The following ADGRV1 variants were observed in gnomAD, a reference collection of about 807,000 sequenced individuals.
The protein encoded by ADGRV1 is adhesion G protein-coupled receptor V1.
ADGRV1 carries 359 observed loss-of-function variants against 596.2 expected under a neutral mutation model. The ratio of observed to expected loss-of-function variants is 0.60; its 90% CI spans 0.55 to 0.66. The LOEUF (loss-of-function observed/expected upper bound fraction) is 0.66, where lower values mean the gene tolerates loss of function less well. ADGRV1 is among the 30% of genes least tolerant of loss of function. The pLI is 0.00. For missense variants in ADGRV1, 7,274 were observed against 7,575.6 expected, an observed-to-expected ratio of 0.96 and a Z score of 1.48; for synonymous variants, 2,681 against 2,679.2, an observed-to-expected ratio of 1.00 and a Z score of -0.02.
chr5:91,102,239 C>G lies in ADGRV1; in HGVS notation c.18331C>G (p.Leu6111Val). ...NAAEIPLILY[L>V]FALISVTWLW... ...TCTAGAAATTCCACTGATTTTATAT[C>G]TCTTTGCTCTGATTTCCGTGACATG... Residue 6111 changes from leucine (L) to valine (V), a missense_variant, in exon 87 of 90, where the codon CTC becomes GTC. Leu to Val is a conservative substitution (Grantham distance 32). Around this residue, in one of 5 missense-constraint regions of ADGRV1, gnomAD observed 1,874 missense variants for 1,970.2 expected, o/e 0.95. Coordinates refer to ENST00000405460, the MANE Select transcript of ADGRV1 (RefSeq NM_032119.4). 1 of 1,608,990 alleles carries G rather than the reference C, an allele frequency of 6.2e-7. No homozygotes were observed. The highest frequency in any genetic ancestry group is 1.1e-5 in the South Asian group (1 of 90,374).
At chr5:90,895,344 G>T (rs1771210074) in intron 83 of ADGRV1, among the ~76,000 whole-genome samples, 1 of 152,216 alleles carries the variant, frequency 6.6e-6, no homozygotes, top group Admixed American at 6.5e-5. Flanking sequence ...AAATCAGAGA[G>T]TAATTGAAGG....
At chr5:90,829,306 T>C in intron 77 of ADGRV1, 120 bp downstream of exon 77, 1 of 884,102 alleles carries the variant, frequency 1.1e-6, no homozygotes, top group Non-Finnish European at 1.6e-6. Context: ...TAATTCACTT[T>C]TTATTCATTA....
chr5:90,614,889 T>A lies in ADGRV1; in HGVS notation c.77T>A (p.Phe26Tyr). The A allele has an allele frequency of 1.9e-6, 3 of 1,610,656 alleles. No individual in the cohort carries two copies. The highest frequency in any genetic ancestry group is 2.5e-6 in the Non-Finnish European group (3 of 1,177,988). The change falls in exon 2 of 90, where the codon TTT becomes TAT. Residue 26 changes from phenylalanine to tyrosine, a missense_variant. Phe to Tyr is a conservative substitution (Grantham distance 22). Transcript: ENST00000405460. ...VNLLSALLILFVFGETEIRFT... is the reference protein window; with the variant it reads ...VNLLSALLILYVFGETEIRFT... ...CTTCTTTCAGCTTTACTCATCCTAT[T>A]TGTGTTTGGAGAAACAGAAATAAGA...
chr5:91,073,400 T>C (rs562286443), intron 86 of ADGRV1, among the ~76,000 whole-genome samples: 1 of 152,308 alleles, frequency 6.6e-6, no homozygotes, highest in African/African-American at 2.4e-5. Flanking sequence ...TGAATGACAG[T>C]CTTAGAGGAA....
At chr5:90,724,220 A>G (rs775547040) in intron 45 of ADGRV1, among the ~76,000 whole-genome samples, 3 of 152,132 alleles carry the variant, frequency 2.0e-5, no homozygotes, top group Non-Finnish European at 4.4e-5. Context: ...TTTAAAATAT[A>G]CATTTAGTAT....
At chr5:90,763,274 TG>T (rs777964463) in intron 58 of ADGRV1, 30 bp from the exon 59 acceptor site, 66 of 1,447,104 alleles carry the variant, frequency 4.6e-5, no homozygotes, top group Non-Finnish European at 5.5e-5. Flanking sequence ...TTTTTTTTTT[TG>T]TTTGGCCTTA....
intron 70 of ADGRV1, among the ~76,000 whole-genome samples, chr5:90,801,531 TG>T (rs1288756082): frequency 1.3e-5 from 2 of 151,668 alleles, no homozygotes; most frequent in African/African-American, 4.9e-5. Flanking sequence ...GTGATTTATT[TG>T]TTTTTTTTTT....
At chr5:90,891,714 T>G (rs1298884657) in intron 83 of ADGRV1, among the ~76,000 whole-genome samples, 1 of 151,992 alleles carries the variant, frequency 6.6e-6, no homozygotes, top group African/African-American at 2.4e-5. Flanking sequence ...CTTTTCACTT[T>G]TAGAAGAATT....
Position 90,644,635 on chromosome 5 carries a change from C to T in ADGRV1, c.2735-71C>T, listed in dbSNP as rs574489347. On this transcript the variant is annotated intron_variant, in intron 14 of 89. Coordinates refer to ENST00000405460, the MANE Select transcript of ADGRV1 (RefSeq NM_032119.4). ...TTGTTTTTATTTTTGTTTATTTAAC[C>T]GATTTCTTTACTCATCATTTTAAAA... 106 of 1,204,134 alleles carry T rather than the reference C, an allele frequency of 8.8e-5. 1 individual carries two copies. The highest frequency in any genetic ancestry group is 1.5e-4 in the East Asian group (6 of 39,946). 74.6% of individuals were successfully genotyped at this position (1,204,134 alleles called of 1,614,324 possible). A position where few individuals can be genotyped will look rare whatever the true frequency, so the allele number is the denominator to read the frequency against.
chr5:91,125,075 C>T (rs1444876359), intron 87 of ADGRV1, among the ~76,000 whole-genome samples: 1 of 152,096 alleles, frequency 6.6e-6, no homozygotes, highest in African/African-American at 2.4e-5. Flanking sequence ...GTTTTCAGTC[C>T]AGGATCTTCA....
chr5:91,164,390 G>T lies in ADGRV1; in HGVS notation c.*490G>T. ...CTTTAATTCTGAAAACTGTAAAATG[G>T]TCTGTCTGTTGATGATCCTGCACAT... On this transcript the variant is annotated 3_prime_UTR_variant, in exon 90 of 90. Transcript: ENST00000405460. 1 of 224,260 alleles carries T rather than the reference G, an allele frequency of 4.5e-6. No homozygotes were observed. The highest frequency in any genetic ancestry group is 9.1e-6 in the Non-Finnish European group (1 of 110,026). The allele number at this position is 224,260 out of a possible 1,614,324, so 13.9% of individuals were successfully genotyped here. A position where few individuals can be genotyped will look rare whatever the true frequency, so the allele number is the denominator to read the frequency against.
At chr5:90,931,132 C>T (rs1156247082) in intron 83 of ADGRV1, 1 of 152,126 alleles carries the variant, frequency 6.6e-6, no homozygotes, top group Non-Finnish European at 1.5e-5. Context: ...CCTGGCAAAG[C>T]AAGCAGCACT....
At chr5:90,941,433 A>T (rs1776160908) in intron 83 of ADGRV1, among the ~76,000 whole-genome samples, 1 of 152,250 alleles carries the variant, frequency 6.6e-6, no homozygotes. Context: ...TGAGTGGGCA[A>T]GAAGGTGATT....
chr5:91,148,161 A>C (rs1795715013), intron 87 of ADGRV1, among the ~76,000 whole-genome samples: 1 of 152,210 alleles, frequency 6.6e-6, no homozygotes. Context: ...CAGCCTGACG[A>C]TGCAGTAGAA....
Position 91,090,962 on chromosome 5 carries a change from A to C in ADGRV1, c.18311-11257A>C, listed in dbSNP as rs149295378. 1.8e-3 allele frequency among the ~76,000 whole-genome samples: 280 copies of C among 152,246 alleles called. 2 individuals are homozygous for C. The highest frequency in any genetic ancestry group is 6.5e-3 in the African/African-American group (272 of 41,546). On this transcript the variant is annotated intron_variant, in intron 86 of 89. Coordinates refer to ENST00000405460, the MANE Select transcript of ADGRV1 (RefSeq NM_032119.4). Reference sequence around the variant, plus strand: ...CATACATTAACTTGGGTTTCATAAAAGTTTTCTTTCAAGATTGTGTAGTTC... The same window carrying C: ...CATACATTAACTTGGGTTTCATAAACGTTTTCTTTCAAGATTGTGTAGTTC...
chr5:91,134,865 C>G (rs1472663265), intron 87 of ADGRV1, among the ~76,000 whole-genome samples: 5 of 152,034 alleles, frequency 3.3e-5, no homozygotes, highest in Non-Finnish European at 1.5e-5. Flanking sequence ...GAAAGACATG[C>G]AAAACTACCT....
At chr5:90,624,343 T>G (rs368365877) in intron 5 of ADGRV1, among the ~76,000 whole-genome samples, 2 of 152,202 alleles carry the variant, frequency 1.3e-5, no homozygotes, top group Non-Finnish European at 2.9e-5. Context: ...AGAAAATAAT[T>G]GGCTGTAGAA....
intron 85 of ADGRV1, among the ~76,000 whole-genome samples, chr5:91,010,503 T>C (rs534939673): frequency 6.6e-6 from 1 of 152,202 alleles, no homozygotes; most frequent in South Asian, 2.1e-4. Context: ...CAAGTTCTCA[T>C]TTATTTAGAT....
chr5:90,856,023 A>G, intron 82 of ADGRV1, 122 bp downstream of exon 82: 1 of 799,844 alleles, frequency 1.3e-6, no homozygotes, highest in Non-Finnish European at 2.0e-6. Flanking sequence ...CACTAGAAGA[A>G]TACAAATTTT....
Sources: allele counts gnomAD v4.1 joint callset (sites outside exome capture counted in the v4.1 genomes callset), GRCh38; gene constraint gnomAD v4.1.1; regional missense constraint gnomAD v4.1.1; transcripts MANE v1.5; gene names NCBI Gene and HGNC (gene_info 2026-07-23, HGNC 2026-07-21).